The following ANO10 variants were observed in gnomAD, a reference collection of about 807,000 sequenced individuals.
ANO10 encodes anoctamin-10.
ANO10 carries 77 observed loss-of-function variants against 74.7 expected under a neutral mutation model. That is an observed-to-expected ratio of 1.03 (90% confidence interval 0.86 to 1.25). ANO10 has a LOEUF of 1.25. Ranked by LOEUF, ANO10 falls within the 50% of genes most tolerant of loss-of-function variation. The pLI is 0.00. For synonymous variants in ANO10, 279 were observed against 284.9 expected, an observed-to-expected ratio of 0.98 and a Z score of 0.21; for missense variants, 721 against 778.1, an observed-to-expected ratio of 0.93 and a Z score of 0.87.
At chr3:43,381,013 A>G (rs1191419359) in intron 12 of ANO10, among the ~76,000 whole-genome samples, 3 of 152,150 alleles carry the variant, frequency 2.0e-5, no homozygotes, top group Non-Finnish European at 4.4e-5. Context: ...GTGGCAGGAG[A>G]GAGAAGCGCC....
intron 11 of ANO10, among the ~76,000 whole-genome samples, chr3:43,491,651 A>T (rs2076729368): frequency 6.6e-6 from 1 of 152,168 alleles, no homozygotes; most frequent in Non-Finnish European, 1.5e-5. Flanking sequence ...AGTAAACTTT[A>T]ACTCCTGCTC....
chr3:43,678,097 A>C (rs1259959860), intron 1 of ANO10, among the ~76,000 whole-genome samples: 1 of 152,154 alleles, frequency 6.6e-6, no homozygotes, highest in Non-Finnish European at 1.5e-5. Flanking sequence ...AACCTACCTA[A>C]CATCATAGCT....
intron 1 of ANO10, among the ~76,000 whole-genome samples, chr3:43,648,771 G>T (rs2149567285): frequency 6.6e-6 from 1 of 151,182 alleles, no homozygotes; most frequent in East Asian, 2.0e-4. Context: ...CCGCTTCCCG[G>T]GTTCACGCCA....
rs80171035 is a variant in ANO10 at position 43,565,370 on chromosome 3, T to C, written c.1293+283A>G. On this transcript the variant is annotated intron_variant, in intron 8 of 12. Transcript: ENST00000292246. Reference sequence around the variant, plus strand: ...AAAACAGTTCAGTTAATGAATACTATATTTTTGCTGTTAGAGTTGCTTACA... The same window carrying C: ...AAAACAGTTCAGTTAATGAATACTACATTTTTGCTGTTAGAGTTGCTTACA... 0.019 allele frequency among the ~76,000 whole-genome samples: 2,855 copies of C among 152,340 alleles called. 80 individuals carry two copies. Among genetic ancestry groups the C allele is most frequent in the African/African-American group, 0.063 (2,632 of 41,576 alleles).
At chr3:43,367,182 G>A (rs762293305) in intron 12 of ANO10, among the ~76,000 whole-genome samples, 25 of 152,202 alleles carry the variant, frequency 1.6e-4, no homozygotes, top group Non-Finnish European at 2.6e-4. Flanking sequence ...CGCACTGTGT[G>A]AGCCCAGACC....
At chr3:43,504,680 T>C (rs761142625) in intron 11 of ANO10, among the ~76,000 whole-genome samples, 11 of 152,116 alleles carry the variant, frequency 7.2e-5, no homozygotes, top group Non-Finnish European at 1.5e-5. Context: ...TCTCACTCTG[T>C]CACCCAGGCT....
intron 1 of ANO10, among the ~76,000 whole-genome samples, chr3:43,675,894 TGACCCA>T (rs1293007294): frequency 6.6e-6 from 1 of 152,230 alleles, no homozygotes; most frequent in Non-Finnish European, 1.5e-5. Context: ...AACTATTATA[TGACCCA>T]GCAATTGTAC....
chr3:43,584,528 A>G (rs936065681), intron 4 of ANO10, among the ~76,000 whole-genome samples: 1 of 152,134 alleles, frequency 6.6e-6, no homozygotes, highest in Admixed American at 6.5e-5. Flanking sequence ...AGTGTGAGAG[A>G]GCTAGTGTAA....
intron 11 of ANO10, among the ~76,000 whole-genome samples, chr3:43,437,608 T>C (rs890620922): frequency 6.6e-6 from 1 of 152,122 alleles, no homozygotes; most frequent in Non-Finnish European, 1.5e-5. Flanking sequence ...ACCAGAGAAC[T>C]TGCAGTACGG....
At chr3:43,539,259 A>G (rs918425994) in intron 11 of ANO10, among the ~76,000 whole-genome samples, 29 of 152,118 alleles carry the variant, frequency 1.9e-4, no homozygotes, top group Non-Finnish European at 5.9e-5. Context: ...TGCTCAACAC[A>G]CAACTCAATA....
intron 12 of ANO10, 108 bp downstream of exon 12, chr3:43,432,503 A>T (rs2092998176): frequency 1.0e-6 from 1 of 983,748 alleles, no homozygotes; most frequent in South Asian, 1.3e-5. Context: ...GTATTCATTT[A>T]AACTGGTAAC....
chr3:43,576,988 T>G lies in ANO10; in HGVS notation c.866A>C (p.His289Pro). The change falls in exon 6 of 13, where the codon CAT (histidine) becomes CCT (proline). Residue 289 changes from histidine (H) to proline (P), a missense_variant. Transcript: ENST00000292246. Reference sequence around the variant, plus strand: ...GATGGAATTGATACCCAAGACACCATGAAATCCTGGCCGGGGCTCCTCAAA... The same window carrying G: ...GATGGAATTGATACCCAAGACACCAGGAAATCCTGGCCGGGGCTCCTCAAA... ...RKFEEPRPGFHGVLGINSITG... is the reference protein window; with the variant it reads ...RKFEEPRPGFPGVLGINSITG... The G allele has an allele frequency of 1.2e-6, 2 of 1,613,704 alleles. No homozygotes were observed. Among genetic ancestry groups the G allele is most frequent in the Non-Finnish European group, 1.7e-6 (2 of 1,179,632 alleles).
At chr3:43,682,647 A>G (rs1330824499) in intron 1 of ANO10, among the ~76,000 whole-genome samples, 4 of 152,248 alleles carry the variant, frequency 2.6e-5, no homozygotes, top group African/African-American at 7.2e-5. Flanking sequence ...ATTTAGACCA[A>G]TATCTCTGAT....
upstream of ANO10, among the ~76,000 whole-genome samples, chr3:43,625,016 T>C (rs2083479004): frequency 6.6e-6 from 1 of 152,234 alleles, no homozygotes; most frequent in African/African-American, 2.4e-5. Context: ...TTTCTCCACT[T>C]GTCTCTCTTT....
chr3:43,492,880 G>A (rs558121711), intron 11 of ANO10, among the ~76,000 whole-genome samples: 4 of 152,226 alleles, frequency 2.6e-5, no homozygotes, highest in South Asian at 2.1e-4. Flanking sequence ...ACAGTGTGGC[G>A]ATTCCTCAAG....
At chr3:43,554,685 G>GA (rs1252913232) in intron 10 of ANO10, among the ~76,000 whole-genome samples, 2 of 152,070 alleles carry the variant, frequency 1.3e-5, no homozygotes, top group Non-Finnish European at 2.9e-5. Context: ...ATCCAGGGGG[G>GA]ATTCCTCATT....
At chr3:43,476,920 T>G (rs2076087579) in intron 11 of ANO10, among the ~76,000 whole-genome samples, 1 of 152,090 alleles carries the variant, frequency 6.6e-6, no homozygotes, top group East Asian at 1.9e-4. Flanking sequence ...CCCTGTACTA[T>G]TCAATGCAGG....
chr3:43,520,829 A>G (rs1474097842), intron 11 of ANO10, among the ~76,000 whole-genome samples: 1 of 152,154 alleles, frequency 6.6e-6, no homozygotes, highest in Non-Finnish European at 1.5e-5. Context: ...AGGATTTAAA[A>G]TAGGGATTGT....
chr3:43,590,973 C>A (rs139927136), intron 4 of ANO10, among the ~76,000 whole-genome samples: 5,923 of 152,216 alleles, frequency 0.039, 161 homozygotes, highest in Non-Finnish European at 0.058. Context: ...AGGCTAAAAG[C>A]AGGAGGTAAA....
Sources: allele counts gnomAD v4.1 joint callset (sites outside exome capture counted in the v4.1 genomes callset), GRCh38; gene constraint gnomAD v4.1.1; transcripts MANE v1.5; gene names NCBI Gene and HGNC (gene_info 2026-07-23, HGNC 2026-07-21).